VLDLR: variants seen among roughly 807,000 people sequenced by gnomAD.
The protein encoded by VLDLR is very low density lipoprotein receptor.
In VLDLR, 81 loss-of-function variants were observed where a neutral mutation model predicts 112.7. The ratio of observed to expected loss-of-function variants is 0.72; its 90% CI spans 0.60 to 0.86. The LOEUF is 0.86. VLDLR is among the 40% of genes least tolerant of loss of function. VLDLR has a pLI of 0.00. For missense variants in VLDLR, 1,237 were observed against 1,099.4 expected, an observed-to-expected ratio of 1.13 and a Z score of -1.77; for synonymous variants, 436 against 384.8, an observed-to-expected ratio of 1.13 and a Z score of -1.56.
At chr9:2,623,234 G>C (rs573682231) in intron 1 of VLDLR, among the ~76,000 whole-genome samples, 1 of 152,202 alleles carries the variant, frequency 6.6e-6, no homozygotes, top group African/African-American at 2.4e-5. Flanking sequence ...GGGCCTGGGG[G>C]CCCCGCCTGG....
intron 2 of VLDLR, among the ~76,000 whole-genome samples, chr9:2,637,897 C>T (rs189478852): frequency 0.013 from 1,979 of 152,172 alleles, 40 homozygotes; most frequent in African/African-American, 0.044. Context: ...GAGCCAAGAC[C>T]ACGCCACTGC....
intron 11 of VLDLR, among the ~76,000 whole-genome samples, chr9:2,646,873 T>A (rs1485324042): frequency 3.3e-5 from 5 of 152,216 alleles, no homozygotes; most frequent in South Asian, 4.1e-4. Flanking sequence ...AGTGATTTTT[T>A]AATTTTTGAC....
chr9:2,624,153 G>A (rs1176658944), intron 1 of VLDLR, among the ~76,000 whole-genome samples: 1 of 152,174 alleles, frequency 6.6e-6, no homozygotes, highest in Non-Finnish European at 1.5e-5. Flanking sequence ...GTATTGGGCA[G>A]GTGAGGATCC....
chr9:2,656,645 C>G lies in VLDLR; in HGVS notation c.*2777C>G, dbSNP rs1818620625. 1 of 151,980 alleles carries G rather than the reference C, an allele frequency of 6.6e-6. No homozygotes were observed. The highest frequency in any genetic ancestry group is 1.5e-5 in the Non-Finnish European group (1 of 67,996). The allele number at this position is 151,980 out of a possible 1,614,324, so 9.4% of individuals were successfully genotyped here. ...TTAAGAGGTAAAATATGAAGCTTAT[C>G]ATACACTAAAGGAGAATATTTGGAG... On this transcript the variant is annotated 3_prime_UTR_variant, in exon 19 of 19. Transcript: ENST00000382100.
Position 2,652,840 on chromosome 9 carries a change from A to G in VLDLR, c.2477A>G (p.Asn826Ser). ...YLMWRNWQHK[N>S]MKSMNFDNPV... The stretch of plus-strand genomic sequence containing the variant: ...ATGTGGCGGAATTGGCAACACAAGA[A>G]CATGAAAAGCATGAACTTTGACAAT... The change falls in exon 18 of 19, where the codon AAC becomes AGC. Residue 826 changes from asparagine to serine, a missense_variant. Coordinates refer to ENST00000382100, the MANE Select transcript of VLDLR (RefSeq NM_003383.5). The G allele has an allele frequency of 6.2e-7, 1 of 1,614,156 alleles. No homozygotes were observed. Among genetic ancestry groups the G allele is most frequent in the East Asian group, 2.2e-5 (1 of 44,876 alleles).
rs1818650404 is a variant in VLDLR at position 2,657,539 on chromosome 9, G to T, written c.*3671G>T. On this transcript the variant is annotated 3_prime_UTR_variant, in exon 19 of 19. Transcript: ENST00000382100. Reference sequence around the variant, plus strand: ...AGAAGCTTCCCTTATTGTGGGTGATGAGGCGGTGCCTAAAAACCACATATA... The same window carrying T: ...AGAAGCTTCCCTTATTGTGGGTGATTAGGCGGTGCCTAAAAACCACATATA... 6.6e-6 allele frequency: 1 copy of T among 151,808 alleles called. No homozygotes were observed. The highest frequency in any genetic ancestry group is 1.5e-5 in the Non-Finnish European group (1 of 67,852). 9.4% of individuals were successfully genotyped at this position (151,808 alleles called of 1,614,324 possible).
chr9:2,650,100 C>G (rs977374948), intron 14 of VLDLR, among the ~76,000 whole-genome samples: 2 of 152,152 alleles, frequency 1.3e-5, no homozygotes, highest in South Asian at 2.1e-4. Flanking sequence ...CCTCACCTCC[C>G]TTCCCCACCT....
chr9:2,646,198 A>G, intron 10 of VLDLR, 136 bp from the exon 11 acceptor site: 2 of 796,386 alleles, frequency 2.5e-6, no homozygotes, highest in South Asian at 2.9e-5. Context: ...TGGTTAAATA[A>G]TTTGAGTGGT....
intron 18 of VLDLR, 95 bp from the exon 19 acceptor site, chr9:2,653,738 G>A: frequency 7.4e-7 from 1 of 1,343,258 alleles, no homozygotes; most frequent in Non-Finnish European, 1.1e-6. Flanking sequence ...CTGAGTGTTT[G>A]AATGACCAAC....
Position 2,622,168 on chromosome 9 carries a change from C to T in VLDLR, c.-22C>T. ...CGAACGGCGGCGGCGGCGGCGGCGGCGGCACCATCCAGGCGGGCACCATGG... is the reference window on the plus strand; with the variant it reads ...CGAACGGCGGCGGCGGCGGCGGCGGTGGCACCATCCAGGCGGGCACCATGG... On this transcript the variant is annotated 5_prime_UTR_variant, in exon 1 of 19. Coordinates refer to ENST00000382100, the MANE Select transcript of VLDLR (RefSeq NM_003383.5). 1 of 1,478,446 alleles carries T rather than the reference C, an allele frequency of 6.8e-7. No homozygotes were observed. Among genetic ancestry groups the T allele is most frequent in the Non-Finnish European group, 8.9e-7 (1 of 1,119,636 alleles). The allele number at this position is 1,478,446 out of a possible 1,614,324, so 91.6% of individuals were successfully genotyped here.
Position 2,643,586 on chromosome 9 carries a change from C to A in VLDLR, c.821-42C>A, listed in dbSNP as rs541704600. On this transcript the variant is annotated intron_variant, in intron 5 of 18. Transcript: ENST00000382100. ...GTTCTCTTCCCTGTATCAACTGGGA[C>A]AATTTGCTGGCTTCATTCCATGGTG... 19 of 1,614,226 alleles carry A rather than the reference C, an allele frequency of 1.2e-5. No individual in the cohort carries two copies. The East Asian group carries it at 1.6e-4, about 13-fold the overall frequency.
chr9:2,635,985 C>A (rs779422297), intron 2 of VLDLR, among the ~76,000 whole-genome samples: 2 of 152,088 alleles, frequency 1.3e-5, no homozygotes, highest in Non-Finnish European at 2.9e-5. Flanking sequence ...GTTAATTAAC[C>A]CTTGACATAG....
chr9:2,624,154 G>C (rs1816973849), intron 1 of VLDLR, among the ~76,000 whole-genome samples: 1 of 152,206 alleles, frequency 6.6e-6, no homozygotes, highest in Non-Finnish European at 1.5e-5. Flanking sequence ...TATTGGGCAG[G>C]TGAGGATCCT....
chr9:2,654,141 T>C lies in VLDLR; in HGVS notation c.*273T>C. The C allele has an allele frequency of 1.1e-5, 5 of 467,572 alleles. No homozygotes were observed. Among genetic ancestry groups the C allele is most frequent in the South Asian group, 1.1e-4 (5 of 47,476 alleles). 29.0% of individuals were successfully genotyped at this position (467,572 alleles called of 1,614,324 possible). On this transcript the variant is annotated 3_prime_UTR_variant, in exon 19 of 19. Transcript: ENST00000382100. ...TTGCCACCTCTGGCCAAATATGCAC[T>C]TTCCCTAGAAAGCCATATTCCAGCA... is the stretch of plus-strand genomic sequence containing the variant.
At chr9:2,632,144 G>C (rs751830247) in intron 1 of VLDLR, among the ~76,000 whole-genome samples, 1 of 152,290 alleles carries the variant, frequency 6.6e-6, no homozygotes, top group South Asian at 2.1e-4. Flanking sequence ...CTAAGGATTA[G>C]AGCTGGAAGA....
At chr9:2,623,142 G>C (rs1247471048) in intron 1 of VLDLR, among the ~76,000 whole-genome samples, 1 of 152,238 alleles carries the variant, frequency 6.6e-6, no homozygotes, top group Non-Finnish European at 1.5e-5. Flanking sequence ...GCTCAAAGGA[G>C]CAGCGCGAGA....
In VLDLR at chr9:2,621,790, C is replaced by A; in HGVS notation, c.-400C>A. ...TCCGGCCCCCTCCCCGCTGCTCACC[C>A]CGCTCTCCGGCCGCCGCCGGTGCGG... On this transcript the variant is annotated 5_prime_UTR_variant, in exon 1 of 19. Coordinates refer to ENST00000382100, the MANE Select transcript of VLDLR (RefSeq NM_003383.5). The A allele has an allele frequency of 2.1e-6, 1 of 483,394 alleles. No individual in the cohort carries two copies. Among genetic ancestry groups the A allele is most frequent in the Non-Finnish European group, 4.0e-6 (1 of 251,896 alleles). The allele number at this position is 483,394 out of a possible 1,614,324, so 29.9% of individuals were successfully genotyped here.
rs977498674 is a variant in VLDLR at position 2,655,769 on chromosome 9, C to G, written c.*1901C>G. ...AAAGGCTGTAGTCATGAATATAGAA[C>G]TGTCTGCTCTCCACCTTTTCCTCAC... is the stretch of plus-strand genomic sequence containing the variant. On this transcript the variant is annotated 3_prime_UTR_variant, in exon 19 of 19. Coordinates refer to ENST00000382100, the MANE Select transcript of VLDLR (RefSeq NM_003383.5). 1.3e-5 allele frequency: 2 copies of G among 152,102 alleles called. No homozygotes were observed. Among genetic ancestry groups the G allele is most frequent in the Admixed American group, 6.6e-5 (1 of 15,256 alleles). 9.4% of individuals were successfully genotyped at this position (152,102 alleles called of 1,614,324 possible).
Position 2,654,206 on chromosome 9 carries a change from T to C in VLDLR, c.*338T>C. On this transcript the variant is annotated 3_prime_UTR_variant, in exon 19 of 19. Transcript: ENST00000382100. ...ATAGTGTATACCACCTGTACATACA[T>C]TGTATAGGCCATCTGTAAATATCCC... 1 of 323,884 alleles carries C rather than the reference T, an allele frequency of 3.1e-6. No individual in the cohort carries two copies. Among genetic ancestry groups the C allele is most frequent in the Non-Finnish European group, 5.9e-6 (1 of 169,724 alleles). The allele number at this position is 323,884 out of a possible 1,614,324, so 20.1% of individuals were successfully genotyped here. A position where few individuals can be genotyped will look rare whatever the true frequency, so the allele number is the denominator to read the frequency against.
Sources: allele counts gnomAD v4.1 joint callset (sites outside exome capture counted in the v4.1 genomes callset), GRCh38; gene constraint gnomAD v4.1.1; transcripts MANE v1.5; gene names NCBI Gene and HGNC (gene_info 2026-07-23, HGNC 2026-07-21).